The following EXOC4 variants were observed in gnomAD, a reference collection of about 807,000 sequenced individuals.
EXOC4 encodes exocyst complex component 4.
In EXOC4, 71 loss-of-function variants were observed where a neutral mutation model predicts 107.2. The observed-to-expected ratio is 0.66, with a 90% CI of 0.55 to 0.81. The LOEUF is 0.81. Ranked by LOEUF, EXOC4 falls within the 30% of genes least tolerant of loss-of-function variation. The probability of loss-of-function intolerance (pLI) is 0.00; values close to 1 mark genes in which losing one functional copy is unlikely to be tolerated. For missense variants in EXOC4, 1,108 were observed against 1,189.6 expected (o/e 0.93, Z 1.01); for synonymous variants, 456 against 441.2 (o/e 1.03, Z -0.42).
intron 9 of EXOC4, among the ~76,000 whole-genome samples, chr7:133,557,410 T>A (rs1800713933): frequency 6.6e-6 from 1 of 152,210 alleles, no homozygotes; most frequent in African/African-American, 2.4e-5. Flanking sequence ...TCTCTGCCAG[T>A]TAAATGGTAT....
intron 9 of EXOC4, among the ~76,000 whole-genome samples, chr7:133,527,261 G>A (rs534741147): frequency 4.1e-4 from 63 of 151,810 alleles, no homozygotes; most frequent in Middle Eastern, 3.4e-3. Flanking sequence ...AAAATTAGCC[G>A]AGCATGGTGA....
At chr7:133,879,951 A>G (rs1798930649) in intron 11 of EXOC4, among the ~76,000 whole-genome samples, 1 of 151,694 alleles carries the variant, frequency 6.6e-6, no homozygotes, top group African/African-American at 2.4e-5. Flanking sequence ...CATCCATTCA[A>G]CCCTTTCTCG....
intron 9 of EXOC4, among the ~76,000 whole-genome samples, chr7:133,607,190 C>G (rs1029552434): frequency 6.6e-6 from 1 of 152,146 alleles, no homozygotes; most frequent in African/African-American, 2.4e-5. Context: ...TCCTGCCATA[C>G]GGCCCTGATT....
Position 133,470,244 on chromosome 7 carries a change from CT to C in EXOC4, c.1183-5083del, listed in dbSNP as rs1798838564. Among the ~76,000 whole-genome samples the C allele has an allele frequency of 2.6e-5, 4 of 152,166 alleles. No homozygotes were observed. In the South Asian group the frequency reaches 8.3e-4, roughly 32 times the overall value. ...ACTCTCATATTTATTTAAAAAAAAC[CT>C]CTGCATGTATAACCACAAACAGTTA... is the stretch of plus-strand genomic sequence containing the variant. On this transcript the variant is annotated intron_variant, in intron 7 of 17. Transcript: ENST00000253861.
chr7:133,828,895 A>G (rs1797754035), intron 11 of EXOC4, among the ~76,000 whole-genome samples: 1 of 152,196 alleles, frequency 6.6e-6, no homozygotes, highest in South Asian at 2.1e-4. Context: ...TAATTAGGAA[A>G]CCGGAATTCC....
At chr7:133,604,710 C>CTTTTTTTTTTTTTTTTTT (rs61548710) in intron 9 of EXOC4, among the ~76,000 whole-genome samples, 8 of 50,272 alleles carry the variant, frequency 1.6e-4, no homozygotes, top group Non-Finnish European at 2.8e-4. Flanking sequence ...TTCCTTCTTT[C>CTTTTTTTTTTTTTTTTTT]TTTTTTTTTT....
Position 133,275,023 on chromosome 7 carries a change from A to G in EXOC4, c.128A>G (p.Glu43Gly), listed in dbSNP as rs371782269. The change falls in exon 2 of 18, where the codon GAA (glutamate) becomes GGA (glycine). Residue 43 changes from glutamate (E) to glycine (G), a missense_variant. By Grantham distance (98) the Glu-to-Gly change is moderately conservative. Transcript: ENST00000253861. The stretch of plus-strand genomic sequence containing the variant: ...GACGATGTCGAAGACAGGGAAAATG[A>G]AAAGGGTCGCCTTGAAGAAGCCTAC... Reference protein sequence around the residue: ...TSDDVEDRENEKGRLEEAYEK... With the variant: ...TSDDVEDRENGKGRLEEAYEK... 57 of 1,613,182 alleles carry G rather than the reference A, an allele frequency of 3.5e-5. No individual in the cohort carries two copies. Among genetic ancestry groups the G allele is most frequent in the Non-Finnish European group, 2.4e-5 (28 of 1,179,510 alleles).
At chr7:133,848,130 C>T (rs115226187) in intron 11 of EXOC4, among the ~76,000 whole-genome samples, 2,451 of 152,050 alleles carry the variant, frequency 0.016, 67 homozygotes, top group African/African-American at 0.056. Context: ...CCACACTGGG[C>T]GGTACACTGC....
chr7:133,905,404 G>C (rs1475632828), intron 12 of EXOC4, among the ~76,000 whole-genome samples: 3 of 152,022 alleles, frequency 2.0e-5, no homozygotes, highest in Non-Finnish European at 4.4e-5. Context: ...ACACCCCTTG[G>C]GGCTTAAAGG....
chr7:133,577,589 C>A (rs936488827), intron 9 of EXOC4, among the ~76,000 whole-genome samples: 1 of 152,276 alleles, frequency 6.6e-6, no homozygotes, highest in African/African-American at 2.4e-5. Context: ...TCCTCTCATC[C>A]TTGTTCAGTC....
intron 14 of EXOC4, among the ~76,000 whole-genome samples, chr7:133,994,776 TG>T (rs1794348900): frequency 1.3e-5 from 2 of 152,102 alleles, no homozygotes; most frequent in Admixed American, 1.3e-4. Context: ...TGTGTGTGTG[TG>T]TGTGTGTGTG....
chr7:133,470,651 A>G (rs1185928600), intron 7 of EXOC4, among the ~76,000 whole-genome samples: 3 of 152,076 alleles, frequency 2.0e-5, no homozygotes, highest in Admixed American at 6.5e-5. Flanking sequence ...ACACCCATCA[A>G]TTTTGACTAT....
chr7:133,439,412 T>C (rs1037454017), intron 7 of EXOC4, among the ~76,000 whole-genome samples: 1 of 151,970 alleles, frequency 6.6e-6, no homozygotes, highest in African/African-American at 2.4e-5. Context: ...CTGGATCTCT[T>C]GACTTCATGA....
the EXOC4 span, among the ~76,000 whole-genome samples, chr7:134,100,272 A>ACCACTGCACTCC: frequency 2.7e-5 from 2 of 73,630 alleles, no homozygotes; most frequent in Non-Finnish European, 6.7e-5. Context: ...GAACCATTAG[A>ACCACTGCACTCC]AGCCAGGGAA....
intron 11 of EXOC4, among the ~76,000 whole-genome samples, chr7:133,888,256 C>G (rs1203237751): frequency 6.6e-6 from 1 of 152,162 alleles, no homozygotes; most frequent in Non-Finnish European, 1.5e-5. Flanking sequence ...AGCCAAAACC[C>G]TGTACCCCAT....
chr7:133,703,701 G>C (rs2151089495), intron 10 of EXOC4, among the ~76,000 whole-genome samples: 1 of 152,304 alleles, frequency 6.6e-6, no homozygotes, highest in Admixed American at 6.5e-5. Context: ...TACTGCATTA[G>C]AACATCCCAA....
At chr7:134,072,707 C>T in the EXOC4 span, among the ~76,000 whole-genome samples, 2 of 152,238 alleles carry the variant, frequency 1.3e-5, no homozygotes, top group East Asian at 3.9e-4. Context: ...CCTCTGTTGC[C>T]TCATCTTTGA....
chr7:133,386,831 T>TA, intron 7 of EXOC4, among the ~76,000 whole-genome samples: 1 of 152,120 alleles, frequency 6.6e-6, no homozygotes, highest in Middle Eastern at 3.4e-3. Context: ...GAGAGTTTTT[T>TA]TTTTTGTGAA....
intron 10 of EXOC4, among the ~76,000 whole-genome samples, chr7:133,687,721 C>G (rs551523772): frequency 6.6e-6 from 1 of 152,158 alleles, no homozygotes; most frequent in Non-Finnish European, 1.5e-5. Context: ...AGGACCTAGA[C>G]TGAACTTCTG....
Sources: allele counts gnomAD v4.1 joint callset (sites outside exome capture counted in the v4.1 genomes callset), GRCh38; gene constraint gnomAD v4.1.1; transcripts MANE v1.5; gene names NCBI Gene and HGNC (gene_info 2026-07-23, HGNC 2026-07-21).